The following ZNF521 variants were observed in gnomAD, a reference collection of about 807,000 sequenced individuals.
ZNF521 encodes the protein zinc finger protein 521, also known as LYST-interacting protein 3.
ZNF521 carries 14 observed loss-of-function variants against 105.5 expected under a neutral mutation model. The observed-to-expected ratio is 0.13, with a 90% CI of 0.09 to 0.21. The LOEUF (loss-of-function observed/expected upper bound fraction) is 0.21, where lower values mean the gene tolerates loss of function less well. ZNF521 is among the 10% of genes least tolerant of loss of function. ZNF521 has a pLI of 1.00. For missense variants in ZNF521, 1,233 were observed against 1,629.7 expected (o/e 0.76, Z 4.19); for synonymous variants, 635 against 606.0 (o/e 1.05, Z -0.70).
intron 5 of ZNF521, among the ~76,000 whole-genome samples, chr18:25,117,859 T>C (rs923293468): frequency 2.0e-5 from 3 of 152,036 alleles, no homozygotes; most frequent in Non-Finnish European, 4.4e-5. Flanking sequence ...CCAAATTTAG[T>C]GAAAGATACA....
At chr18:25,290,607 C>CTTTTTT (rs35687026) in intron 3 of ZNF521, among the ~76,000 whole-genome samples, 6 of 116,214 alleles carry the variant, frequency 5.2e-5, no homozygotes, top group Non-Finnish European at 5.3e-5. Flanking sequence ...AGGCCATATT[C>CTTTTTT]TTTTTTTTTT....
At position 25,220,490 on chromosome 18, in the gene ZNF521, G is replaced by A. The variant is rs149659971; in HGVS notation, c.3573+3855C>T. ...AGAATCCTGAACCTGGAGTTAACCT[G>A]AACTCTAACCCCTTGCCTACCACTT... On this transcript the variant is annotated intron_variant, in intron 4 of 7. Coordinates refer to ENST00000361524, the MANE Select transcript of ZNF521 (RefSeq NM_015461.3). Among the ~76,000 whole-genome samples, 320 of 152,252 alleles carry A rather than the reference G, an allele frequency of 2.1e-3. 1 individual carries two copies. The highest frequency in any genetic ancestry group is 0.02 in the Middle Eastern group (6 of 294).
chr18:25,236,992 A>G lies in ZNF521; in HGVS notation c.221-9295T>C, dbSNP rs143101019. 7.5e-3 allele frequency among the ~76,000 whole-genome samples: 1,148 copies of G among 152,312 alleles called. 15 individuals are homozygous for G. The highest frequency in any genetic ancestry group is 0.023 in the African/African-American group (946 of 41,572). ...CGAATTATCAATTTGAGGACTTTCC[A>G]GTTACCCTCTTTGCCCTTTATGTTT... On this transcript the variant is annotated intron_variant, in intron 3 of 7. Coordinates refer to ENST00000361524, the MANE Select transcript of ZNF521 (RefSeq NM_015461.3).
chr18:25,065,926 T>A (rs1350709593), intron 7 of ZNF521, among the ~76,000 whole-genome samples: 2 of 152,212 alleles, frequency 1.3e-5, no homozygotes, highest in Non-Finnish European at 1.5e-5. Context: ...TACAACAGAC[T>A]GAAGTTGTTT....
rs982439837 is a variant in ZNF521, at chr18:25,224,502, C to A, written c.3416G>T (p.Arg1139Leu). The A allele has an allele frequency of 6.2e-7, 1 of 1,613,932 alleles. No individual in the cohort carries two copies. Among genetic ancestry groups the A allele is most frequent in the Admixed American group, 1.7e-5 (1 of 60,004 alleles). Residue 1139 changes from arginine to leucine, a missense_variant, in exon 4 of 8, where the codon CGC (arginine) becomes CTC (leucine). This residue lies in a region of ZNF521 where 614 missense variants were observed against 751.5 expected (regional missense o/e 0.82). Coordinates refer to ENST00000361524, the MANE Select transcript of ZNF521 (RefSeq NM_015461.3). ...AAACTTAACGTTGCAGCTAGAGCAGCGTGTCTTCAGTCCCCCCACCTTGCC... is the reference window on the plus strand; with the variant it reads ...AAACTTAACGTTGCAGCTAGAGCAGAGTGTCTTCAGTCCCCCCACCTTGCC... ...GKGKVGGLKT[R>L]CSSCNVKFES...
intron 5 of ZNF521, among the ~76,000 whole-genome samples, chr18:25,176,585 C>T (rs535316343): frequency 3.9e-5 from 6 of 152,240 alleles, no homozygotes; most frequent in Admixed American, 2.0e-4. Context: ...TTACTCTCTT[C>T]GCTGGAATGC....
intron 2 of ZNF521, among the ~76,000 whole-genome samples, chr18:25,330,210 C>G (rs555066114): frequency 6.6e-6 from 1 of 151,978 alleles, no homozygotes; most frequent in African/African-American, 2.4e-5. Flanking sequence ...TGTCGCCAGG[C>G]TGGAGTGCAG....
At chr18:25,341,477 A>C (rs1229674928) in intron 2 of ZNF521, among the ~76,000 whole-genome samples, 1 of 152,228 alleles carries the variant, frequency 6.6e-6, no homozygotes, top group Non-Finnish European at 1.5e-5. Context: ...AACTTTCAAA[A>C]ATGTTATCCA....
rs1478327950 is a variant in ZNF521 at position 25,091,970 on chromosome 18, T to C, written c.3770A>G (p.Lys1257Arg). Residue 1257 changes from lysine (K) to arginine (R), a missense_variant, in exon 6 of 8, where the codon AAG (lysine) becomes AGG (arginine). This residue lies in a region of ZNF521 where 76 missense variants were observed against 137.2 expected (regional missense o/e 0.55). Transcript: ENST00000361524. ...CCCACCTGTAAAGCAGACTGGACAC[T>C]TGAAGGTGCCTCCCATCCCTTCGAA... is the stretch of plus-strand genomic sequence containing the variant. ...HSFEGMGGTF[K>R]CPVCFTVFVQ... 5 of 1,613,796 alleles carry C rather than the reference T, an allele frequency of 3.1e-6. No individual in the cohort carries two copies. Among genetic ancestry groups the C allele is most frequent in the Middle Eastern group, 1.6e-4 (1 of 6,080 alleles).
intron 6 of ZNF521, among the ~76,000 whole-genome samples, chr18:25,090,440 G>A (rs2033718876): frequency 6.6e-6 from 1 of 152,086 alleles, no homozygotes; most frequent in Non-Finnish European, 1.5e-5. Context: ...GTTCTTGTGA[G>A]TCATACATTT....
At chr18:25,265,019 G>A (rs141501701) in intron 3 of ZNF521, among the ~76,000 whole-genome samples, 3 of 152,246 alleles carry the variant, frequency 2.0e-5, no homozygotes, top group East Asian at 1.9e-4. Context: ...AAAATAAACA[G>A]CTTCATTAAA....
At chr18:25,271,683 A>G (rs942977931) in intron 3 of ZNF521, among the ~76,000 whole-genome samples, 7 of 152,218 alleles carry the variant, frequency 4.6e-5, no homozygotes, top group African/African-American at 1.4e-4. Context: ...TGCCCTATTT[A>G]ATAAATGGTG....
Position 25,224,496 on chromosome 18 carries a change from G to C in ZNF521, c.3422C>G (p.Ser1141Cys). The change falls in exon 4 of 8, where the codon TCT (serine) becomes TGT (cysteine). Residue 1141 changes from serine (S) to cysteine (C), a missense_variant. Physicochemically the swap from Ser to Cys is moderately radical, Grantham distance 112 (BLOSUM62 -1). Transcript: ENST00000361524. ...GKVGGLKTRC[S>C]SCNVKFESES... ...AGACTCAAACTTAACGTTGCAGCTA[G>C]AGCAGCGTGTCTTCAGTCCCCCCAC... 2 of 1,614,062 alleles carry C rather than the reference G, an allele frequency of 1.2e-6. No individual in the cohort carries two copies. The highest frequency in any genetic ancestry group is 1.3e-5 in the African/African-American group (1 of 75,018).
chr18:25,199,741 G>A (rs1225584741), intron 4 of ZNF521, among the ~76,000 whole-genome samples: 1 of 152,006 alleles, frequency 6.6e-6, no homozygotes, highest in Admixed American at 6.6e-5. Flanking sequence ...AACCTAACCT[G>A]ATTAACCCCA....
chr18:25,342,449 T>A (rs1437649732), intron 2 of ZNF521, among the ~76,000 whole-genome samples: 1 of 149,296 alleles, frequency 6.7e-6, no homozygotes, highest in Non-Finnish European at 1.5e-5. Flanking sequence ...TGAGACAGAG[T>A]CTCGCTCTGT....
At chr18:25,084,737 C>T (rs2033583310) in intron 7 of ZNF521, among the ~76,000 whole-genome samples, 1 of 152,144 alleles carries the variant, frequency 6.6e-6, no homozygotes, top group Non-Finnish European at 1.5e-5. Flanking sequence ...AACAAGAGGC[C>T]TGACAGAACT....
intron 7 of ZNF521, among the ~76,000 whole-genome samples, chr18:25,076,161 A>G (rs1464524107): frequency 6.6e-6 from 1 of 152,238 alleles, no homozygotes; most frequent in Non-Finnish European, 1.5e-5. Flanking sequence ...ATTTTGCTTC[A>G]GAGAACACAG....
At chr18:25,276,384 A>AT in intron 3 of ZNF521, among the ~76,000 whole-genome samples, 1 of 152,330 alleles carries the variant, frequency 6.6e-6, no homozygotes, top group East Asian at 1.9e-4. Flanking sequence ...TGAAGGCCTT[A>AT]ATATTAGCTC....
At chr18:25,318,623 C>A (rs1229106939) in intron 3 of ZNF521, among the ~76,000 whole-genome samples, 1 of 152,072 alleles carries the variant, frequency 6.6e-6, no homozygotes, top group Admixed American at 6.6e-5. Context: ...AGCCAGGTTT[C>A]TCTCTGTTAC....
Sources: gnomAD v4.1 joint callset for allele counts (sites outside exome capture counted in the v4.1 genomes callset) on GRCh38, gnomAD v4.1.1 for gene constraint, gnomAD v4.1.1 regional missense constraint, MANE v1.5 for transcripts, NCBI Gene and HGNC (gene_info 2026-07-23, HGNC 2026-07-21) for gene names.